LRRC37A2: variants seen among roughly 807,000 people sequenced by gnomAD.
LRRC37A2 encodes the protein leucine rich repeat containing 37 member A2.
Under a neutral mutation model 68.8 loss-of-function variants are expected in LRRC37A2, and 9 were observed. That is an observed-to-expected ratio of 0.13 (90% CI 0.08 to 0.23). The LOEUF is 0.23. Among genes scored for constraint, LRRC37A2 ranks in the 10% least tolerant of loss-of-function variants. LRRC37A2 has a pLI of 1.00. For missense variants in LRRC37A2, 168 were observed against 950.4 expected (o/e 0.18, Z 10.82); for synonymous variants, 63 against 367.6 (o/e 0.17, Z 9.48).
chr17:46,902,692 CA>C, the LRRC37A2 span, among the ~76,000 whole-genome samples: 1 of 152,210 alleles, frequency 6.6e-6, no homozygotes, highest in Non-Finnish European at 1.5e-5. Flanking sequence ...GGAAGAAACA[CA>C]AAACATTTAG....
At chr17:46,773,650 T>G in the LRRC37A2 span, 1 of 273,722 alleles carries the variant, frequency 3.7e-6, no homozygotes, top group Non-Finnish European at 5.7e-6. Context: ...TCCCCCCCCC[T>G]CAGCCCCAAG....
At chr17:46,808,440 A>C in the LRRC37A2 span, among the ~76,000 whole-genome samples, 1 of 152,238 alleles carries the variant, frequency 6.6e-6, no homozygotes, top group Non-Finnish European at 1.5e-5. Flanking sequence ...GAATATGAAC[A>C]AGCAAATTTT....
the LRRC37A2 span, among the ~76,000 whole-genome samples, chr17:46,810,019 T>C: frequency 3.3e-5 from 5 of 149,934 alleles, no homozygotes; most frequent in African/African-American, 1.2e-4. Flanking sequence ...TTTTTTTTTT[T>C]TTTTGAGACA....
chr17:46,938,510 T>C, the LRRC37A2 span: 27 of 1,600,212 alleles, frequency 1.7e-5, no homozygotes, highest in African/African-American at 3.1e-4. Context: ...AGAATGTCTG[T>C]TGGCAAAGCT....
chr17:46,974,627 G>C, the LRRC37A2 span, among the ~76,000 whole-genome samples: 4 of 152,146 alleles, frequency 2.6e-5, no homozygotes, highest in East Asian at 7.8e-4. Flanking sequence ...CCAGCTACTC[G>C]GGAGGCTGAG....
chr17:46,770,115 T>C, the LRRC37A2 span: 1 of 1,479,382 alleles, frequency 6.8e-7, no homozygotes, highest in Middle Eastern at 2.3e-4. Flanking sequence ...TGCCTCCACC[T>C]CCCAGGCCAG....
At chr17:46,778,730 C>T in the LRRC37A2 span, among the ~76,000 whole-genome samples, 6 of 152,136 alleles carry the variant, frequency 3.9e-5, no homozygotes, top group Non-Finnish European at 7.4e-5. Flanking sequence ...ATGACTCCAG[C>T]GGGGCTGTTT....
At chr17:46,909,594 G>A in the LRRC37A2 span, 1 of 152,242 alleles carries the variant, frequency 6.6e-6, no homozygotes, top group Non-Finnish European at 1.5e-5. Context: ...GTACTCAGGA[G>A]CTGCATGTGG....
chr17:46,742,455 C>T, the LRRC37A2 span, among the ~76,000 whole-genome samples: 1 of 152,154 alleles, frequency 6.6e-6, no homozygotes, highest in South Asian at 2.1e-4. Context: ...ATCAGTAAAG[C>T]CAAACCGACT....
At chr17:46,478,740 G>T in the LRRC37A2 span, among the ~76,000 whole-genome samples, 1 of 110,700 alleles carries the variant, frequency 9.0e-6, no homozygotes, top group African/African-American at 3.0e-5. Context: ...AACTTGTGGG[G>T]TGAGAGAAAC....
At chr17:46,535,219 T>C (rs1016794794) in intron 6 of LRRC37A2, among the ~76,000 whole-genome samples, 5 of 149,390 alleles carry the variant, frequency 3.3e-5, no homozygotes, top group East Asian at 3.9e-4. Flanking sequence ...GAAGAGAAAT[T>C]AGCTATTAAT....
the LRRC37A2 span, among the ~76,000 whole-genome samples, chr17:46,840,295 C>T: frequency 6.6e-5 from 10 of 152,180 alleles, no homozygotes; most frequent in East Asian, 1.9e-3. Flanking sequence ...ACCGTGTTAG[C>T]CAGGATGGTC....
At chr17:47,022,371 T>G in the LRRC37A2 span, among the ~76,000 whole-genome samples, 2 of 149,438 alleles carry the variant, frequency 1.3e-5, no homozygotes, top group African/African-American at 4.9e-5. Flanking sequence ...GGTCTTCCTA[T>G]GCTGCTTAGG....
chr17:46,605,412 C>T, the LRRC37A2 span, among the ~76,000 whole-genome samples: 3 of 140,008 alleles, frequency 2.1e-5, no homozygotes, highest in Admixed American at 2.1e-4. Context: ...CGTGCCATTG[C>T]ATGCCAGCCT....
At chr17:46,769,167 A>C in the LRRC37A2 span, among the ~76,000 whole-genome samples, 1 of 152,178 alleles carries the variant, frequency 6.6e-6, no homozygotes, top group South Asian at 2.1e-4. Context: ...AAATACAAAA[A>C]TTAGCTGGTG....
the LRRC37A2 span, among the ~76,000 whole-genome samples, chr17:46,622,389 C>T: frequency 4.7e-5 from 7 of 150,330 alleles, 1 homozygote; most frequent in African/African-American, 1.2e-4. Flanking sequence ...ACCCGGGAGG[C>T]GGAGCTTGCA....
the LRRC37A2 span, among the ~76,000 whole-genome samples, chr17:46,708,956 C>CT: frequency 1.4e-3 from 219 of 151,318 alleles, no homozygotes; most frequent in African/African-American, 5.0e-3. Flanking sequence ...TCCTGAGTAG[C>CT]TAGGACTGCA....
At chr17:46,680,296 C>T in the LRRC37A2 span, among the ~76,000 whole-genome samples, 2 of 151,548 alleles carry the variant, frequency 1.3e-5, no homozygotes, top group Non-Finnish European at 2.9e-5. Flanking sequence ...ACCAAGGAAA[C>T]AATAGAACAC....
the LRRC37A2 span, among the ~76,000 whole-genome samples, chr17:46,952,322 G>A: frequency 5.9e-5 from 9 of 152,222 alleles, no homozygotes; most frequent in Admixed American, 5.9e-4. Context: ...CAAAGCAGTC[G>A]GTTTGGGGTG....
Sources: allele counts gnomAD v4.1 joint callset (sites outside exome capture counted in the v4.1 genomes callset), GRCh38; gene constraint gnomAD v4.1.1; transcripts MANE v1.5; gene names NCBI Gene and HGNC (gene_info 2026-07-23, HGNC 2026-07-21).